Variants in CNOT4 observed in about 807,000 individuals in gnomAD.
The protein encoded by CNOT4 is CCR4-associated factor 4.
CNOT4 carries 8 observed loss-of-function variants against 73.8 expected under a neutral mutation model. The ratio of observed to expected loss-of-function variants is 0.11; its 90% confidence interval spans 0.06 to 0.20. CNOT4 has a LOEUF of 0.20. Among genes scored for constraint, CNOT4 ranks in the 10% least tolerant of loss-of-function variants. The probability of loss-of-function intolerance (pLI) is 1.00; values close to 1 mark genes in which losing one functional copy is unlikely to be tolerated. For synonymous variants in CNOT4, 293 were observed against 321.1 expected (o/e 0.91, Z 0.94); for missense variants, 564 against 883.4 (o/e 0.64, Z 4.58).
At chr7:135,379,879 T>C (rs908946634) in intron 10 of CNOT4, among the ~76,000 whole-genome samples, 10 of 152,220 alleles carry the variant, frequency 6.6e-5, no homozygotes, top group Non-Finnish European at 7.3e-5. Context: ...ACTAAAGTTC[T>C]AGATCACTAC....
chr7:135,442,764 A>T (rs1330944704), intron 1 of CNOT4, among the ~76,000 whole-genome samples: 6 of 151,814 alleles, frequency 4.0e-5, no homozygotes, highest in Non-Finnish European at 8.8e-5. Flanking sequence ...GGGAAAAAAA[A>T]TATTCATTTT....
chr7:135,490,992 A>G (rs1803071114), intron 1 of CNOT4, among the ~76,000 whole-genome samples: 1 of 152,228 alleles, frequency 6.6e-6, no homozygotes, highest in Admixed American at 6.5e-5. Flanking sequence ...TGAATGTTGG[A>G]TAAGAAGATA....
chr7:135,448,223 T>G (rs971548162), intron 1 of CNOT4, among the ~76,000 whole-genome samples: 1 of 152,094 alleles, frequency 6.6e-6, no homozygotes, highest in Non-Finnish European at 1.5e-5. Context: ...ATGTTCAGTT[T>G]CCAACATAAA....
intron 1 of CNOT4, among the ~76,000 whole-genome samples, chr7:135,452,079 C>A (rs951994293): frequency 6.7e-6 from 1 of 149,806 alleles, no homozygotes; most frequent in Non-Finnish European, 1.5e-5. Context: ...GAGACCCTAT[C>A]AGTACAAAAA....
intron 10 of CNOT4, chr7:135,384,565 G>A (rs1266249889): frequency 3.2e-5 from 22 of 698,240 alleles, no homozygotes; most frequent in Non-Finnish European, 4.7e-5. Context: ...GATTACAGGC[G>A]TGAGCCACCG....
chr7:135,387,948 AT>A lies in CNOT4; in HGVS notation c.1627+5969del, dbSNP rs1796204165. 4.1e-6 allele frequency: 4 copies of A among 971,838 alleles called. No homozygotes were observed. The African/African-American group carries it at 5.3e-5, about 13-fold the overall frequency. The allele number at this position is 971,838 out of a possible 1,614,324, so 60.2% of individuals were successfully genotyped here. A position where few individuals can be genotyped will look rare whatever the true frequency, so the allele number is the denominator to read the frequency against. Reference sequence around the variant, plus strand: ...CACATTTTAATTATTAAACAATGAAATTTCCAAAACAATATCCCACAGAATT... The same window carrying A: ...CACATTTTAATTATTAAACAATGAAATTCCAAAACAATATCCCACAGAATT... On this transcript the variant is annotated intron_variant, in intron 10 of 11. Coordinates refer to ENST00000541284, the MANE Select transcript of CNOT4 (RefSeq NM_001190850.2).
intron 7 of CNOT4, among the ~76,000 whole-genome samples, chr7:135,404,084 G>A (rs1797149363): frequency 6.6e-6 from 1 of 152,040 alleles, no homozygotes; most frequent in African/African-American, 2.4e-5. Context: ...TTCTACTTAG[G>A]TGGGCCAAGA....
intron 7 of CNOT4, among the ~76,000 whole-genome samples, chr7:135,406,644 G>A (rs929788046): frequency 6.6e-6 from 1 of 152,134 alleles, no homozygotes; most frequent in African/African-American, 2.4e-5. Context: ...CCAGGTGACA[G>A]CAAGACTCTC....
chr7:135,372,267 A>G (rs975973977), intron 10 of CNOT4, among the ~76,000 whole-genome samples: 2 of 152,244 alleles, frequency 1.3e-5, no homozygotes, highest in Non-Finnish European at 2.9e-5. Flanking sequence ...TACTGCAAAA[A>G]TAACAGAAAC....
At chr7:135,441,801 T>C (rs910034331) in intron 1 of CNOT4, among the ~76,000 whole-genome samples, 2 of 152,200 alleles carry the variant, frequency 1.3e-5, no homozygotes, top group African/African-American at 4.8e-5. Flanking sequence ...TTTTTAATTT[T>C]AAAAAAGTTT....
Position 135,381,615 on chromosome 7 carries a change from C to T in CNOT4, c.1627+12303G>A, listed in dbSNP as rs1233179489. Among the ~76,000 whole-genome samples the T allele has an allele frequency of 2.0e-5, 3 of 152,144 alleles. No homozygotes were observed. The East Asian group carries it at 5.8e-4, about 29-fold the overall frequency. On this transcript the variant is annotated intron_variant, in intron 10 of 11. Coordinates refer to ENST00000541284, the MANE Select transcript of CNOT4 (RefSeq NM_001190850.2). ...GCCTTTCAGCCTACTGGGTAAAACA[C>T]AGAGTCTAGAAGCAGCTATTACCAC...
intron 1 of CNOT4, among the ~76,000 whole-genome samples, chr7:135,447,147 A>G (rs113340286): frequency 0.029 from 3,187 of 108,740 alleles, 279 homozygotes; most frequent in African/African-American, 0.081. Context: ...GACAACCTTC[A>G]AAAATAAGAA....
chr7:135,495,691 AAAGAAAGAAAGAAAGAAAGAAAG>A (rs1803487240), intron 1 of CNOT4, among the ~76,000 whole-genome samples: 5 of 13,104 alleles, frequency 3.8e-4, no homozygotes, highest in South Asian at 7.6e-3. Flanking sequence ...AAAAAAAAAA[AAAGAAAGAAAGAAAGAAAGAAAG>A]AAAGAAAGAA....
chr7:135,450,039 A>T (rs986567600), intron 1 of CNOT4, among the ~76,000 whole-genome samples: 6 of 152,092 alleles, frequency 3.9e-5, no homozygotes, highest in African/African-American at 1.2e-4. Context: ...TGCTTAAAAA[A>T]TTTTCATGAC....
chr7:135,501,429 C>T (rs1014738429), intron 1 of CNOT4, among the ~76,000 whole-genome samples: 2 of 152,194 alleles, frequency 1.3e-5, no homozygotes, highest in African/African-American at 4.8e-5. Context: ...ACCTTGGTGT[C>T]ACTTTAGGGC....
chr7:135,474,566 G>A (rs539459035), intron 1 of CNOT4, among the ~76,000 whole-genome samples: 6 of 152,002 alleles, frequency 3.9e-5, no homozygotes, highest in South Asian at 2.1e-4. Flanking sequence ...CATGAGCCAC[G>A]GCGCCTGGAC....
intron 3 of CNOT4, among the ~76,000 whole-genome samples, chr7:135,419,534 G>A (rs1254038696): frequency 6.6e-6 from 1 of 151,928 alleles, no homozygotes; most frequent in Non-Finnish European, 1.5e-5. Context: ...GAGAAATAAA[G>A]GAAAGCACCC....
intron 1 of CNOT4, among the ~76,000 whole-genome samples, chr7:135,483,922 G>A (rs962374413): frequency 6.6e-6 from 1 of 152,190 alleles, no homozygotes; most frequent in Admixed American, 6.5e-5. Context: ...CAGGCGTGGT[G>A]GCCCACGCCT....
chr7:135,413,921 C>T (rs1339647106), intron 5 of CNOT4, among the ~76,000 whole-genome samples: 2 of 151,934 alleles, frequency 1.3e-5, no homozygotes, highest in African/African-American at 4.8e-5. Flanking sequence ...TGGTTAGACA[C>T]ATAAGAAGGC....
Sources: allele counts gnomAD v4.1 joint callset (sites outside exome capture counted in the v4.1 genomes callset), GRCh38; gene constraint gnomAD v4.1.1; transcripts MANE v1.5; gene names NCBI Gene and HGNC (gene_info 2026-07-23, HGNC 2026-07-21).